The following CSMD1 variants were observed in gnomAD, a reference collection of about 807,000 sequenced individuals.
The protein encoded by CSMD1 is CUB and Sushi multiple domains 1.
CSMD1 carries 213 observed loss-of-function variants against 417.5 expected under a neutral mutation model. The ratio of observed to expected loss-of-function variants is 0.51; its 90% CI spans 0.46 to 0.57. The LOEUF (loss-of-function observed/expected upper bound fraction) is 0.57, where lower values mean the gene tolerates loss of function less well. Ranked by LOEUF, CSMD1 falls within the 20% of genes least tolerant of loss-of-function variation. CSMD1 has a pLI of 0.00. For synonymous variants in CSMD1, 2,862 were observed against 1,736.8 expected, an observed-to-expected ratio of 1.65 and a Z score of -16.11; for missense variants, 6,923 against 4,529.7, an observed-to-expected ratio of 1.53 and a Z score of -15.17.
intron 5 of CSMD1, among the ~76,000 whole-genome samples, chr8:3,917,142 T>C (rs1808886544): frequency 1.3e-5 from 2 of 152,206 alleles, no homozygotes; most frequent in South Asian, 2.1e-4. Context: ...GAATGAGTGC[T>C]TACCTGCTGC....
At position 4,195,596 on chromosome 8, in the gene CSMD1, G is replaced by A. The variant is rs1264480940; in HGVS notation, c.416-163497C>T. Reference sequence around the variant, plus strand: ...TAGAGGTGAGCGTTGTCACTGTCATGACTGTGTGATATTATATAAGGCTGC... The same window carrying A: ...TAGAGGTGAGCGTTGTCACTGTCATAACTGTGTGATATTATATAAGGCTGC... On this transcript the variant is annotated intron_variant, in intron 3 of 69. Coordinates refer to ENST00000635120, the MANE Select transcript of CSMD1 (RefSeq NM_033225.6). 2.0e-5 allele frequency among the ~76,000 whole-genome samples: 3 copies of A among 152,144 alleles called. No individual in the cohort carries two copies. The East Asian group carries it at 5.8e-4, about 29-fold the overall frequency.
chr8:3,469,008 G>A (rs1168296175), intron 11 of CSMD1, 184 bp from the exon 12 acceptor site: 6 of 449,154 alleles, frequency 1.3e-5, no homozygotes, highest in South Asian at 8.8e-5. Context: ...TATCACTGGT[G>A]CTTTACAGAA....
intron 4 of CSMD1, among the ~76,000 whole-genome samples, chr8:4,007,267 AG>A (rs1258884693): frequency 3.3e-5 from 5 of 152,182 alleles, no homozygotes; most frequent in Non-Finnish European, 5.9e-5. Flanking sequence ...AAAGCTTACC[AG>A]GCCCTGAAAG....
At chr8:4,565,087 G>C (rs1459238062) in intron 2 of CSMD1, among the ~76,000 whole-genome samples, 1 of 152,174 alleles carries the variant, frequency 6.6e-6, no homozygotes, top group Non-Finnish European at 1.5e-5. Context: ...CTTTCCCTGA[G>C]TGCTTTCTAC....
chr8:4,592,089 C>T (rs1800018468), intron 2 of CSMD1, among the ~76,000 whole-genome samples: 1 of 152,036 alleles, frequency 6.6e-6, no homozygotes, highest in Non-Finnish European at 1.5e-5. Flanking sequence ...TAGGGACATG[C>T]TGGTAGATGT....
intron 10 of CSMD1, among the ~76,000 whole-genome samples, chr8:3,570,023 A>G (rs899398416): frequency 1.3e-5 from 2 of 152,242 alleles, no homozygotes; most frequent in African/African-American, 4.8e-5. Context: ...AAGTGTACAC[A>G]AAGATGAGAG....
chr8:4,756,986 G>A (rs1262700192), intron 1 of CSMD1, among the ~76,000 whole-genome samples: 3 of 152,192 alleles, frequency 2.0e-5, no homozygotes, highest in African/African-American at 7.2e-5. Flanking sequence ...AAAGAGTGCA[G>A]ATATAGAATA....
intron 3 of CSMD1, among the ~76,000 whole-genome samples, chr8:4,150,012 T>C (rs1038615048): frequency 6.6e-6 from 1 of 152,224 alleles, no homozygotes; most frequent in Non-Finnish European, 1.5e-5. Context: ...TGGATGCCTT[T>C]AAAATATCCT....
At chr8:4,478,367 A>C (rs976571328) in intron 2 of CSMD1, among the ~76,000 whole-genome samples, 8 of 152,218 alleles carry the variant, frequency 5.3e-5, no homozygotes, top group African/African-American at 1.9e-4. Flanking sequence ...GGGAAATATT[A>C]AGATTTGAAA....
intron 63 of CSMD1, among the ~76,000 whole-genome samples, chr8:2,956,361 C>G (rs1054264544): frequency 3.9e-5 from 6 of 151,994 alleles, no homozygotes; most frequent in African/African-American, 1.2e-4. Context: ...TCTCAAATCA[C>G]TCCATTCCTT....
intron 3 of CSMD1, among the ~76,000 whole-genome samples, chr8:4,053,868 C>T (rs1798560231): frequency 6.6e-6 from 1 of 152,078 alleles, no homozygotes; most frequent in Non-Finnish European, 1.5e-5. Context: ...ATTGACTATA[C>T]ATGAAATTAG....
intron 8 of CSMD1, among the ~76,000 whole-genome samples, chr8:3,602,253 G>C (rs1392827281): frequency 2.6e-5 from 4 of 152,128 alleles, no homozygotes; most frequent in Non-Finnish European, 5.9e-5. Context: ...ACTGGAGTGT[G>C]TTTAATTGCA....
intron 5 of CSMD1, among the ~76,000 whole-genome samples, chr8:3,981,482 A>G (rs867783812): frequency 1.4e-5 from 2 of 143,740 alleles, no homozygotes; most frequent in Middle Eastern, 7.0e-3. Context: ...CTGTACTCCA[A>G]TAACTTATAG....
chr8:4,867,693 T>G (rs1350996259), intron 1 of CSMD1, among the ~76,000 whole-genome samples: 1 of 152,092 alleles, frequency 6.6e-6, no homozygotes, highest in Non-Finnish European at 1.5e-5. Context: ...TTAGAATCCC[T>G]TGATTTGTGT....
chr8:3,820,925 T>C (rs1037955160), intron 5 of CSMD1, among the ~76,000 whole-genome samples: 4 of 152,028 alleles, frequency 2.6e-5, no homozygotes, highest in African/African-American at 9.7e-5. Flanking sequence ...ATCTTTTTTT[T>C]AATTTTTTGA....
At chr8:4,528,815 C>T (rs1796651454) in intron 2 of CSMD1, among the ~76,000 whole-genome samples, 1 of 152,104 alleles carries the variant, frequency 6.6e-6, no homozygotes, top group African/African-American at 2.4e-5. Context: ...CATACACACA[C>T]ACACACCATG....
At chr8:4,263,731 G>A (rs764474785) in intron 3 of CSMD1, among the ~76,000 whole-genome samples, 1 of 152,176 alleles carries the variant, frequency 6.6e-6, no homozygotes, top group South Asian at 2.1e-4. Context: ...ATAAAATGCT[G>A]GATTTTTATG....
chr8:3,740,249 G>T (rs1563328880), intron 6 of CSMD1, among the ~76,000 whole-genome samples: 1 of 152,138 alleles, frequency 6.6e-6, no homozygotes, highest in Non-Finnish European at 1.5e-5. Context: ...GACACTGCAG[G>T]CACCTGCCAA....
intron 57 of CSMD1, among the ~76,000 whole-genome samples, chr8:2,972,884 T>C (rs1344301678): frequency 6.6e-6 from 1 of 152,158 alleles, no homozygotes; most frequent in East Asian, 1.9e-4. Flanking sequence ...AGCTTCCGTG[T>C]TACGAACTTT....
Sources: allele counts gnomAD v4.1 joint callset (sites outside exome capture counted in the v4.1 genomes callset), GRCh38; gene constraint gnomAD v4.1.1; transcripts MANE v1.5; gene names NCBI Gene and HGNC (gene_info 2026-07-23, HGNC 2026-07-21).